Variants in COA1 observed in about 807,000 individuals in gnomAD.
COA1 encodes cytochrome c oxidase assembly factor 1 homolog.
A neutral mutation model predicts 16.0 loss-of-function variants in COA1; 13 were observed. That is an observed-to-expected ratio of 0.81 (90% CI 0.53 to 1.29). COA1 has a LOEUF of 1.29. Among genes scored for constraint, COA1 ranks in the 50% most tolerant of loss-of-function variants. The pLI is 0.00. For missense variants in COA1, 179 were observed against 177.0 expected, an observed-to-expected ratio of 1.01 and a Z score of -0.06; for synonymous variants, 65 against 65.7, an observed-to-expected ratio of 0.99 and a Z score of 0.05.
chr7:43,666,974 A>G (rs2092931422), intron 1 of COA1, among the ~76,000 whole-genome samples: 1 of 152,230 alleles, frequency 6.6e-6, no homozygotes, highest in Non-Finnish European at 1.5e-5. Context: ...CCTTTAGTAA[A>G]AGGGTTATAA....
intron 1 of COA1, among the ~76,000 whole-genome samples, chr7:43,698,511 A>G (rs1180602593): frequency 1.3e-5 from 2 of 152,190 alleles, no homozygotes; most frequent in African/African-American, 4.8e-5. Context: ...CTTGTCATCC[A>G]CTAATATTTA....
intron 1 of COA1, among the ~76,000 whole-genome samples, chr7:43,708,463 A>G (rs988605260): frequency 6.6e-6 from 1 of 152,086 alleles, no homozygotes; most frequent in African/African-American, 2.4e-5. Context: ...CTTTTCTAAA[A>G]AAAAAAAAAA....
At chr7:43,680,869 G>A (rs566367586) in intron 1 of COA1, among the ~76,000 whole-genome samples, 1 of 152,102 alleles carries the variant, frequency 6.6e-6, no homozygotes, top group Non-Finnish European at 1.5e-5. Flanking sequence ...TACTCGGGAG[G>A]CTGAGATGGG....
intron 1 of COA1, among the ~76,000 whole-genome samples, chr7:43,672,773 C>CAAA (rs34219718): frequency 1.1e-4 from 11 of 100,828 alleles, no homozygotes; most frequent in Non-Finnish European, 1.4e-4. Flanking sequence ...CATCTCAAAC[C>CAAA]AAAAAAAAAA....
chr7:43,654,621 A>G (rs951851500), intron 1 of COA1, among the ~76,000 whole-genome samples: 1 of 152,242 alleles, frequency 6.6e-6, no homozygotes, highest in Non-Finnish European at 1.5e-5. Flanking sequence ...ACAAGAATAT[A>G]AAAATGAAGA....
At chr7:43,673,730 C>T (rs921009010) in intron 1 of COA1, among the ~76,000 whole-genome samples, 3 of 152,140 alleles carry the variant, frequency 2.0e-5, no homozygotes, top group Admixed American at 2.0e-4. Flanking sequence ...ATAGCAAAGA[C>T]ATGGAATCAA....
intron 1 of COA1, among the ~76,000 whole-genome samples, chr7:43,728,545 G>C (rs2095667535): frequency 6.6e-6 from 1 of 152,172 alleles, no homozygotes. Flanking sequence ...GTACCTGCAG[G>C]TGTGTTTTCC....
intron 1 of COA1, among the ~76,000 whole-genome samples, chr7:43,684,606 G>A (rs2093930050): frequency 6.6e-6 from 1 of 152,190 alleles, no homozygotes; most frequent in Non-Finnish European, 1.5e-5. Flanking sequence ...GGAAAGGATA[G>A]AGACCCCTCT....
intron 4 of COA1, chr7:43,641,218 C>G (rs1180974318): frequency 6.6e-6 from 1 of 150,482 alleles, no homozygotes; most frequent in South Asian, 2.1e-4. Flanking sequence ...CAATCTACAT[C>G]TAGATAACGG....
chr7:43,612,276 C>T (rs1245021908), intron 6 of COA1, among the ~76,000 whole-genome samples: 7 of 152,174 alleles, frequency 4.6e-5, no homozygotes, highest in Admixed American at 4.6e-4. Flanking sequence ...TCAGACATGT[C>T]TCTGAGTCAA....
chr7:43,683,968 C>T (rs980022388), intron 1 of COA1, among the ~76,000 whole-genome samples: 1 of 152,104 alleles, frequency 6.6e-6, no homozygotes. Context: ...AAAGACACAA[C>T]AATTAGGGAT....
chr7:43,638,596 A>G (rs2086332482), downstream of COA1, among the ~76,000 whole-genome samples: 2 of 86,172 alleles, frequency 2.3e-5, no homozygotes, highest in African/African-American at 5.0e-5. Context: ...TTTTTCTGAG[A>G]CAGAGTTTTG....
intron 1 of COA1, among the ~76,000 whole-genome samples, chr7:43,725,043 A>G (rs564283670): frequency 2.9e-4 from 44 of 152,358 alleles, no homozygotes; most frequent in Admixed American, 9.1e-4. Flanking sequence ...GTTCAAGACC[A>G]GCATGACCAA....
At chr7:43,656,682 G>A (rs566312607) in intron 1 of COA1, among the ~76,000 whole-genome samples, 6 of 152,298 alleles carry the variant, frequency 3.9e-5, no homozygotes, top group African/African-American at 1.2e-4. Context: ...GCTACAGAGC[G>A]AGATTCCATC....
At chr7:43,710,375 A>AAATATATAT (rs761592421) in intron 1 of COA1, among the ~76,000 whole-genome samples, 2 of 36,450 alleles carry the variant, frequency 5.5e-5, no homozygotes, top group Admixed American at 4.7e-4. Context: ...AAAAAAAAAA[A>AAATATATAT]ATATATATAT....
rs369034351 is a variant in COA1, at chr7:43,649,124, TCTGA to T, written c.-38-476_-38-473del. 1.4e-3 allele frequency: 213 copies of T among 154,830 alleles called. 1 individual carries two copies. Among genetic ancestry groups the T allele is most frequent in the African/African-American group, 3.1e-3 (130 of 41,598 alleles). 9.6% of individuals were successfully genotyped at this position (154,830 alleles called of 1,614,324 possible). A position where few individuals can be genotyped will look rare whatever the true frequency, so the allele number is the denominator to read the frequency against. On this transcript the variant is annotated intron_variant, in intron 1 of 5. Transcript: ENST00000223336. ...ATTGATAATACCTAATACTTCTGTCTCTGACTATTATGTGTCTTGTACTATTCTA... is the reference window on the plus strand; with the variant it reads ...ATTGATAATACCTAATACTTCTGTCTCTATTATGTGTCTTGTACTATTCTA...
chr7:43,649,135 T>C (rs905066866), intron 1 of COA1: 1 of 154,724 alleles, frequency 6.5e-6, no homozygotes, highest in South Asian at 1.9e-4. Context: ...CTGACTATTA[T>C]GTGTCTTGTA....
chr7:43,670,855 TAG>T (rs1320769877), intron 1 of COA1, among the ~76,000 whole-genome samples: 1 of 152,358 alleles, frequency 6.6e-6, no homozygotes, highest in African/African-American at 2.4e-5. Context: ...CAAGCTAAGG[TAG>T]TGCCTGGCTC....
chr7:43,704,360 C>G (rs918872491), intron 1 of COA1, among the ~76,000 whole-genome samples: 13 of 152,110 alleles, frequency 8.5e-5, no homozygotes, highest in Non-Finnish European at 1.6e-4. Flanking sequence ...TTGCATGTCC[C>G]TCTATAGCAA....
Sources: gnomAD v4.1 joint callset for allele counts (sites outside exome capture counted in the v4.1 genomes callset) on GRCh38, gnomAD v4.1.1 for gene constraint, MANE v1.5 for transcripts, NCBI Gene and HGNC (gene_info 2026-07-23, HGNC 2026-07-21) for gene names.